Variants in PRCP observed in about 807,000 individuals in gnomAD.
PRCP encodes lysosomal Pro-X carboxypeptidase.
A neutral mutation model predicts 54.2 loss-of-function variants in PRCP; 46 were observed. The ratio of observed to expected loss-of-function variants is 0.85; its 90% confidence interval spans 0.67 to 1.09. PRCP has a LOEUF of 1.09. PRCP is among the 50% of genes least tolerant of loss of function. The probability of loss-of-function intolerance (pLI) is 0.00; values close to 1 mark genes in which losing one functional copy is unlikely to be tolerated. For missense variants in PRCP, 613 were observed against 596.8 expected, an observed-to-expected ratio of 1.03 and a Z score of -0.28; for synonymous variants, 240 against 212.2, an observed-to-expected ratio of 1.13 and a Z score of -1.14.
chr11:82,862,030 G>T (rs762283762), intron 1 of PRCP, among the ~76,000 whole-genome samples: 1 of 150,692 alleles, frequency 6.6e-6, no homozygotes, highest in Non-Finnish European at 1.5e-5. Context: ...TGGATTTTCA[G>T]ATTAGGTATA....
At chr11:82,828,822 T>C (rs750672333) in intron 8 of PRCP, 1 of 152,194 alleles carries the variant, frequency 6.6e-6, no homozygotes, top group African/African-American at 2.4e-5. Context: ...CACTTGGCAG[T>C]TCCTGATGCT....
At chr11:82,825,186 C>G in intron 8 of PRCP, 64 bp from the exon 9 acceptor site, 1 of 1,417,740 alleles carries the variant, frequency 7.1e-7, no homozygotes, top group South Asian at 1.3e-5. Flanking sequence ...CTCAGATAAG[C>G]TAGAAGAAAC....
At chr11:82,872,843 GA>G (rs1418263283) in intron 1 of PRCP, among the ~76,000 whole-genome samples, 2 of 152,286 alleles carry the variant, frequency 1.3e-5, no homozygotes, top group East Asian at 1.9e-4. Flanking sequence ...ACCGAAGCCT[GA>G]AGGAGCCAGA....
At chr11:82,864,509 A>G (rs1190111421) in intron 1 of PRCP, among the ~76,000 whole-genome samples, 3 of 152,246 alleles carry the variant, frequency 2.0e-5, no homozygotes, top group East Asian at 1.9e-4. Context: ...GTGTTGCTCA[A>G]CTGAAGAAAT....
chr11:82,825,832 C>T (rs1291720274), intron 8 of PRCP: 2 of 152,202 alleles, frequency 1.3e-5, no homozygotes, highest in Admixed American at 6.5e-5. Context: ...TTTTTAGTCT[C>T]AGCTGGTTCA....
intron 1 of PRCP, 45 bp downstream of exon 1, chr11:82,900,189 TC>T: frequency 5.0e-6 from 8 of 1,604,066 alleles, no homozygotes; most frequent in Non-Finnish European, 6.8e-6. Context: ...GGGTCAGGGT[TC>T]CCGGCGGTTG....
intron 1 of PRCP, among the ~76,000 whole-genome samples, chr11:82,873,493 CT>C (rs1478914352): frequency 1.3e-5 from 2 of 152,212 alleles, no homozygotes; most frequent in East Asian, 3.8e-4. Flanking sequence ...TATTGCTACC[CT>C]TTTCTCCAAA....
At chr11:82,876,602 T>G (rs1367493835) in intron 1 of PRCP, among the ~76,000 whole-genome samples, 1 of 152,158 alleles carries the variant, frequency 6.6e-6, no homozygotes, top group East Asian at 1.9e-4. Flanking sequence ...AGTGAATAAG[T>G]CTTACAAGAT....
intron 3 of PRCP, among the ~76,000 whole-genome samples, chr11:82,852,026 G>A (rs756961024): frequency 1.3e-5 from 2 of 152,120 alleles, no homozygotes; most frequent in Non-Finnish European, 2.9e-5. Flanking sequence ...AGGGAAAGAA[G>A]TATATCAAAA....
At chr11:82,875,765 C>G (rs1422943599) in intron 1 of PRCP, among the ~76,000 whole-genome samples, 1 of 152,126 alleles carries the variant, frequency 6.6e-6, no homozygotes, top group Non-Finnish European at 1.5e-5. Context: ...AGAGGAGGCA[C>G]AACCCAACTA....
At chr11:82,895,730 G>A (rs1368022268) in intron 1 of PRCP, among the ~76,000 whole-genome samples, 2 of 152,144 alleles carry the variant, frequency 1.3e-5, no homozygotes, top group Admixed American at 6.5e-5. Flanking sequence ...AAATTTAAAG[G>A]AGGAGGAGAA....
intron 8 of PRCP, 131 bp downstream of exon 8, chr11:82,838,256 G>T: frequency 2.4e-6 from 2 of 816,730 alleles, no homozygotes; most frequent in Non-Finnish European, 1.8e-6. Context: ...TCAAGGCATA[G>T]GAAAACATGA....
chr11:82,887,119 A>C (rs1373707019), intron 1 of PRCP, among the ~76,000 whole-genome samples: 1 of 152,162 alleles, frequency 6.6e-6, no homozygotes, highest in Non-Finnish European at 1.5e-5. Flanking sequence ...ACCTTGACAG[A>C]AATCTTTATC....
At chr11:82,842,370 G>A (rs1197845927) in intron 6 of PRCP, among the ~76,000 whole-genome samples, 1 of 152,154 alleles carries the variant, frequency 6.6e-6, no homozygotes, top group Non-Finnish European at 1.5e-5. Flanking sequence ...TCCAAGTCCA[G>A]ATTAAGGGCA....
At chr11:82,891,037 T>C (rs1413665508) in intron 1 of PRCP, among the ~76,000 whole-genome samples, 1 of 152,250 alleles carries the variant, frequency 6.6e-6, no homozygotes, top group Non-Finnish European at 1.5e-5. Context: ...ACCATCTGTA[T>C]ACTAACAGCT....
intron 1 of PRCP, among the ~76,000 whole-genome samples, chr11:82,862,442 A>G (rs752228583): frequency 6.6e-6 from 1 of 152,216 alleles, no homozygotes; most frequent in Non-Finnish European, 1.5e-5. Flanking sequence ...ATGAGAATGC[A>G]GCACCCAGTC....
At position 82,839,352 on chromosome 11, in the gene PRCP, T is replaced by C. The variant is rs1463876596; in HGVS notation, c.995A>G (p.Asn332Ser). 1 of 1,613,964 alleles carries C rather than the reference T, an allele frequency of 6.2e-7. No individual in the cohort carries two copies. The highest frequency in any genetic ancestry group is 8.5e-7 in the Non-Finnish European group (1 of 1,179,872). ...LLLQNIFQAL[N>S]VYYNYSGQVK... The stretch of plus-strand genomic sequence containing the variant: ...CTGGCCCGAATAATTGTAATATACA[T>C]TCAGAGCTTGGAAAATATTCTGCAG... The change falls in exon 7 of 9, where the codon AAT becomes AGT. Residue 332 changes from asparagine (N) to serine (S), a missense_variant. By Grantham distance (46) the Asn-to-Ser change is conservative. Transcript: ENST00000313010.
intron 1 of PRCP, among the ~76,000 whole-genome samples, chr11:82,878,119 C>G (rs1859650607): frequency 6.6e-6 from 1 of 152,126 alleles, no homozygotes; most frequent in Non-Finnish European, 1.5e-5. Flanking sequence ...GGCCTGTAAC[C>G]CCTTTGTTTT....
At chr11:82,825,186 C>A in intron 8 of PRCP, 64 bp from the exon 9 acceptor site, 1 of 1,417,740 alleles carries the variant, frequency 7.1e-7, no homozygotes, top group South Asian at 1.3e-5. Context: ...CTCAGATAAG[C>A]TAGAAGAAAC....
Sources: allele counts gnomAD v4.1 joint callset (sites outside exome capture counted in the v4.1 genomes callset), GRCh38; gene constraint gnomAD v4.1.1; transcripts MANE v1.5; gene names NCBI Gene and HGNC (gene_info 2026-07-23, HGNC 2026-07-21).